BRWD1: variants seen among roughly 807,000 people sequenced by gnomAD.
BRWD1 encodes bromodomain and WD repeat-containing protein 1.
A neutral mutation model predicts 251.2 loss-of-function variants in BRWD1; 82 were observed. That is an observed-to-expected ratio of 0.33 (90% CI 0.27 to 0.39). BRWD1 has a LOEUF of 0.39. Among genes scored for constraint, BRWD1 ranks in the 10% least tolerant of loss-of-function variants. The probability of loss-of-function intolerance (pLI) is 1.00; values close to 1 mark genes in which losing one functional copy is unlikely to be tolerated. For missense variants in BRWD1, 2,233 were observed against 2,711.6 expected (o/e 0.82, Z 3.92); for synonymous variants, 918 against 902.8 (o/e 1.02, Z -0.30).
At chr21:39,266,739 C>T (rs779531637) in intron 15 of BRWD1, among the ~76,000 whole-genome samples, 24 of 152,120 alleles carry the variant, frequency 1.6e-4, no homozygotes, top group Non-Finnish European at 3.2e-4. Context: ...AAGTTTATTA[C>T]GTATTCATGA....
chr21:39,301,321 A>T (rs1460669748), intron 4 of BRWD1, among the ~76,000 whole-genome samples: 1 of 152,182 alleles, frequency 6.6e-6, no homozygotes, highest in African/African-American at 2.4e-5. Context: ...CATTGAGAGG[A>T]TACTACTTCT....
intron 31 of BRWD1, among the ~76,000 whole-genome samples, 166 bp downstream of exon 31, chr21:39,217,986 C>T (rs2146517055): frequency 6.6e-6 from 1 of 152,076 alleles, no homozygotes; most frequent in South Asian, 2.1e-4. Context: ...CTGGCCCTAC[C>T]CACACCTACC....
At chr21:39,312,988 C>T in intron 3 of BRWD1, 84 bp downstream of exon 3, 2 of 783,318 alleles carry the variant, frequency 2.6e-6, no homozygotes, top group Non-Finnish European at 3.1e-6. Flanking sequence ...CGGCGGGCGG[C>T]GGGCGGGGGG....
intron 8 of BRWD1, among the ~76,000 whole-genome samples, chr21:39,281,063 A>C (rs935702044): frequency 6.6e-6 from 1 of 152,208 alleles, no homozygotes; most frequent in African/African-American, 2.4e-5. Flanking sequence ...CAAGTTCAAA[A>C]GCGAGGGGGA....
intron 8 of BRWD1, among the ~76,000 whole-genome samples, chr21:39,288,752 G>A (rs1601468943): frequency 6.6e-6 from 1 of 152,174 alleles, no homozygotes; most frequent in African/African-American, 2.4e-5. Flanking sequence ...TCGTAAGGAA[G>A]AGAAAATATA....
chr21:39,255,368 T>TG (rs1173621210), intron 19 of BRWD1, among the ~76,000 whole-genome samples: 3 of 151,388 alleles, frequency 2.0e-5, no homozygotes, highest in African/African-American at 7.3e-5. Flanking sequence ...GCCGAGATCA[T>TG]GCCACCGCAC....
intron 18 of BRWD1, among the ~76,000 whole-genome samples, chr21:39,257,516 G>C (rs1203218350): frequency 6.6e-6 from 1 of 152,022 alleles, no homozygotes; most frequent in Non-Finnish European, 1.5e-5. Context: ...ATCCTAAAAT[G>C]TAATGAGCAG....
chr21:39,318,026 G>T (rs1428284469), upstream of BRWD1, among the ~76,000 whole-genome samples: 1 of 152,140 alleles, frequency 6.6e-6, no homozygotes, highest in Non-Finnish European at 1.5e-5. Context: ...CTCCAGCCTG[G>T]GCAACAGAGC....
intron 4 of BRWD1, among the ~76,000 whole-genome samples, chr21:39,311,326 G>T (rs114942296): frequency 0.015 from 2,314 of 152,024 alleles, 57 homozygotes; most frequent in African/African-American, 0.053. Context: ...CACCACCACA[G>T]CCGCCTAATT....
At chr21:39,278,473 A>G (rs1363365268) in intron 10 of BRWD1, 5 of 391,252 alleles carry the variant, frequency 1.3e-5, no homozygotes, top group African/African-American at 1.0e-4. Context: ...TACACATAGT[A>G]CTGGCATAGG....
upstream of BRWD1, chr21:39,314,408 A>C (rs1036602120): frequency 1.8e-5 from 8 of 447,158 alleles, no homozygotes; most frequent in Admixed American, 1.9e-4. Context: ...GGCTGGATCC[A>C]TCCAAGCATG....
Position 39,270,042 on chromosome 21 carries a change from A to G in BRWD1, c.1396-9T>C. 1.3e-6 allele frequency: 2 copies of G among 1,551,066 alleles called. No homozygotes were observed. Among genetic ancestry groups the G allele is most frequent in the Non-Finnish European group, 8.7e-7 (1 of 1,149,552 alleles). ...ACTTCATCAGCATGTCCCTTTATTT[A>G]ACAAAGTCATAACATTAAGGAGGGT... On this transcript the variant is annotated splice_polypyrimidine_tract_variant and intron_variant, in intron 14 of 40. Transcript: ENST00000342449.
intron 19 of BRWD1, among the ~76,000 whole-genome samples, chr21:39,255,334 C>A (rs535677189): frequency 6.6e-6 from 1 of 152,000 alleles, no homozygotes; most frequent in East Asian, 1.9e-4. Context: ...ATCGCTTGAT[C>A]CCGGGAGGTG....
intron 12 of BRWD1, among the ~76,000 whole-genome samples, chr21:39,275,951 G>T (rs1568941446): frequency 6.6e-6 from 1 of 152,088 alleles, no homozygotes; most frequent in Non-Finnish European, 1.5e-5. Context: ...AGATTAACTT[G>T]AACCCAAGAG....
Position 39,196,371 on chromosome 21 carries a change from C to T in BRWD1, c.6698G>A (p.Arg2233Gln). The T allele has an allele frequency of 1.2e-6, 2 of 1,613,604 alleles. No homozygotes were observed. Among genetic ancestry groups the T allele is most frequent in the Non-Finnish European group, 1.7e-6 (2 of 1,179,658 alleles). Reference protein sequence around the residue: ...LDYAKSKRVLRRSKIKTRNQG... With the variant: ...LDYAKSKRVLQRSKIKTRNQG... ...ATTTCTCGTTTTTATTTTTGAACGT[C>T]GAAGAACTCTTTTAGATTTTGCATA... The change falls in exon 41 of 41, where the codon CGA becomes CAA. Residue 2233 changes from arginine (R) to glutamine (Q), a missense_variant. Physicochemically the swap from Arg to Gln is conservative, Grantham distance 43 (BLOSUM62 1). This residue lies in a region of BRWD1 where 928 missense variants were observed against 970.0 expected (regional missense o/e 0.96). Transcript: ENST00000342449.
In BRWD1 at chr21:39,212,682, G is replaced by A; in HGVS notation, c.3884C>T (p.Ser1295Phe). Residue 1295 changes from serine to phenylalanine, a missense_variant, in exon 34 of 41, where the codon TCT becomes TTT. Around this residue, in one of 12 missense-constraint regions of BRWD1, gnomAD observed 167 missense variants for 183.2 expected, o/e 0.91. Transcript: ENST00000342449. ...GTAACTTACTCTCCTCCTTCCAGAA[G>A]ATGTTTTAGGAAGATCACTATCATC... ...DLDDSDLPKT[S>F]SGRRRVHDGK... is the part of the protein sequence containing the mutation. 2 of 1,578,528 alleles carry A rather than the reference G, an allele frequency of 1.3e-6. No homozygotes were observed. Among genetic ancestry groups the A allele is most frequent in the Non-Finnish European group, 1.7e-6 (2 of 1,151,262 alleles).
chr21:39,313,341 G>T (rs369713634), intron 1 of BRWD1, 42 bp from the exon 2 acceptor site: 23 of 1,510,028 alleles, frequency 1.5e-5, no homozygotes, highest in East Asian at 1.3e-4. Context: ...CGGCGGGGAG[G>T]GGAGGGGGAC....
At chr21:39,276,248 C>A in intron 11 of BRWD1, 35 bp from the exon 12 acceptor site, 1 of 1,559,032 alleles carries the variant, frequency 6.4e-7, no homozygotes, top group South Asian at 1.1e-5. Context: ...CAAAAATGAT[C>A]ATCTACATGG....
rs769735406 is a variant in BRWD1 at position 39,255,872 on chromosome 21, C to T, written c.2072-44G>A. ...GAAGTGATTCCAATACACTTTTAAA[C>T]TAATATACATTTAGCATGTAACAAG... On this transcript the variant is annotated intron_variant, in intron 18 of 40. Coordinates refer to ENST00000342449, the MANE Select transcript of BRWD1 (RefSeq NM_033656.4). The T allele has an allele frequency of 4.5e-6, 7 of 1,551,642 alleles. No homozygotes were observed. In the Admixed American group the frequency reaches 5.1e-5, roughly 11 times the overall value.
Sources: allele counts gnomAD v4.1 joint callset (sites outside exome capture counted in the v4.1 genomes callset), GRCh38; gene constraint gnomAD v4.1.1; regional missense constraint gnomAD v4.1.1; transcripts MANE v1.5; gene names NCBI Gene and HGNC (gene_info 2026-07-23, HGNC 2026-07-21).